RIF1: variants seen among roughly 807,000 people sequenced by gnomAD.
The protein encoded by RIF1 is replication timing regulatory factor 1.
Under a neutral mutation model 247.1 loss-of-function variants are expected in RIF1, and 45 were observed. The ratio of observed to expected loss-of-function variants is 0.18; its 90% CI spans 0.14 to 0.23. The LOEUF (loss-of-function observed/expected upper bound fraction) is 0.23. RIF1 is among the 10% of genes least tolerant of loss of function. RIF1 has a pLI of 1.00. For synonymous variants in RIF1, 1,087 were observed against 978.8 expected (o/e 1.11, Z -2.06); for missense variants, 2,967 against 2,862.5 (o/e 1.04, Z -0.83).
downstream of RIF1, among the ~76,000 whole-genome samples, chr2:151,511,707 C>T (rs191487260): frequency 1.6e-4 from 25 of 152,246 alleles, no homozygotes; most frequent in Admixed American, 5.2e-4. Context: ...AAGGCCTATC[C>T]CAGGGTGTGA....
At chr2:151,502,303 T>C (rs2065239351) in intron 11 of RIF1, among the ~76,000 whole-genome samples, 1 of 151,718 alleles carries the variant, frequency 6.6e-6, no homozygotes, top group Admixed American at 6.6e-5. Context: ...CACCAAAATC[T>C]CACAAGTCAC....
At chr2:151,458,032 T>TC in intron 24 of RIF1, 69 bp downstream of exon 24, 1 of 1,079,150 alleles carries the variant, frequency 9.3e-7, no homozygotes, top group Non-Finnish European at 1.3e-6. Flanking sequence ...ATACTTTGAT[T>TC]CAAATAATCT....
At chr2:151,442,773 T>A (rs1467033200) in intron 16 of RIF1, among the ~76,000 whole-genome samples, 11 of 115,318 alleles carry the variant, frequency 9.5e-5, no homozygotes, top group African/African-American at 6.2e-4. Context: ...CTTGATTTTT[T>A]TTTTTTTTTT....
chr2:151,411,384 T>G (rs1558921841), intron 3 of RIF1, 46 bp downstream of exon 3: 3 of 910,572 alleles, frequency 3.3e-6, no homozygotes, highest in East Asian at 3.3e-5. Flanking sequence ...GGTAGTTTGG[T>G]TTTTTTTTTT....
chr2:151,427,741 C>T (rs971878708), intron 8 of RIF1, among the ~76,000 whole-genome samples: 3 of 148,498 alleles, frequency 2.0e-5, no homozygotes, highest in Non-Finnish European at 4.5e-5. Flanking sequence ...GCCAGCATGG[C>T]CAGCATGGCA....
chr2:151,426,168 ATTTTTT>A (rs35001554), intron 8 of RIF1, among the ~76,000 whole-genome samples: 1 of 58,214 alleles, frequency 1.7e-5, no homozygotes, highest in Non-Finnish European at 2.9e-5. Flanking sequence ...TTGGCTTTTA[ATTTTTT>A]TTTTTTTTTT....
At chr2:151,447,617 C>G (rs543200558) in intron 20 of RIF1, among the ~76,000 whole-genome samples, 6 of 152,184 alleles carry the variant, frequency 3.9e-5, no homozygotes, top group Non-Finnish European at 7.3e-5. Context: ...ACGATCTCAG[C>G]TCACTGCAGC....
chr2:151,410,354 C>T (rs1271997769), intron 1 of RIF1, 60 bp from the exon 2 acceptor site: 47 of 1,402,088 alleles, frequency 3.4e-5, no homozygotes, highest in Non-Finnish European at 4.6e-5. Flanking sequence ...TCACACTGGG[C>T]CGCCGCGGGG....
Position 151,479,463 on chromosome 2 carries a change from A to C in RIF1, c.*4392A>C, listed in dbSNP as rs1311523152. 2 of 152,174 alleles carry C rather than the reference A, an allele frequency of 1.3e-5. No homozygotes were observed. The highest frequency in any genetic ancestry group is 2.9e-5 in the Non-Finnish European group (2 of 68,026). 9.4% of individuals were successfully genotyped at this position (152,174 alleles called of 1,614,324 possible). On this transcript the variant is annotated 3_prime_UTR_variant, in exon 36 of 36. Coordinates refer to ENST00000444746, the MANE Select transcript of RIF1 (RefSeq NM_018151.5). ...AGTATTAGAATATATTTAGTCTCTA[A>C]ATAAATCTTGCCTTCTATTATGGAT...
chr2:151,456,794 A>G (rs1472690590), intron 23 of RIF1, among the ~76,000 whole-genome samples, 174 bp downstream of exon 23: 2 of 152,144 alleles, frequency 1.3e-5, no homozygotes, highest in Non-Finnish European at 2.9e-5. Flanking sequence ...GTGCAGTGGC[A>G]GGATCTCGGC....
At chr2:151,530,827 T>C in the RIF1 span, 9 of 571,784 alleles carry the variant, frequency 1.6e-5, no homozygotes, top group African/African-American at 3.7e-5. Flanking sequence ...TGTTCAGCTG[T>C]GTCCAGTCAA....
chr2:151,501,199 T>C (rs1389068654), intron 11 of RIF1, among the ~76,000 whole-genome samples: 7 of 152,200 alleles, frequency 4.6e-5, no homozygotes, highest in Non-Finnish European at 5.9e-5. Context: ...TAAGGGACTA[T>C]TATAGAAAGT....
the RIF1 span, chr2:151,531,876 A>T: frequency 6.3e-7 from 1 of 1,597,394 alleles, no homozygotes; most frequent in Non-Finnish European, 8.5e-7. Flanking sequence ...TTGATTTTTC[A>T]TAGTTTTTCC....
intron 10 of RIF1, chr2:151,496,145 G>A: frequency 9.5e-7 from 1 of 1,055,348 alleles, no homozygotes; most frequent in Non-Finnish European, 1.4e-6. Context: ...AAGGAAAAAA[G>A]GGTAAATTTG....
intron 14 of RIF1, among the ~76,000 whole-genome samples, chr2:151,439,165 C>G (rs1691787798): frequency 6.6e-6 from 1 of 152,054 alleles, no homozygotes; most frequent in African/African-American, 2.4e-5. Context: ...GGGTTATATT[C>G]TTGTCTTTAT....
chr2:151,464,666 C>T lies in RIF1; in HGVS notation c.5146C>T (p.Leu1716Phe). The T allele has an allele frequency of 1.2e-6, 2 of 1,612,944 alleles. No individual in the cohort carries two copies. Among genetic ancestry groups the T allele is most frequent in the Non-Finnish European group, 1.7e-6 (2 of 1,179,332 alleles). ...SSLSEKTFQT[L>F]ECQHKRSRRV... ...GCTTTCAGAAAAAACTTTTCAAACA[C>T]TTGAATGCCAACACAAGAGAAGTAG... Residue 1716 changes from leucine (L) to phenylalanine (F), a missense_variant, in exon 30 of 36, where the codon CTT becomes TTT. Around this residue, in one of 7 missense-constraint regions of RIF1, gnomAD observed 2,028 missense variants for 1,825.6 expected, o/e 1.11. Transcript: ENST00000444746.
chr2:151,518,983 T>G, the RIF1 span: 1 of 1,612,914 alleles, frequency 6.2e-7, no homozygotes, highest in African/African-American at 1.3e-5. Context: ...CAAGTTGGCT[T>G]GTATTCAGGA....
chr2:151,526,057 C>G, the RIF1 span: 2 of 1,613,810 alleles, frequency 1.2e-6, no homozygotes, highest in Admixed American at 3.3e-5. Flanking sequence ...TGACATGGTC[C>G]TTGTACTTGT....
At chr2:151,493,981 C>T (rs927000704) in intron 9 of RIF1, 1 of 901,862 alleles carries the variant, frequency 1.1e-6, no homozygotes, top group African/African-American at 1.7e-5. Context: ...GTGAGAACAC[C>T]TCTCAAGAAG....
Sources: allele counts gnomAD v4.1 joint callset (sites outside exome capture counted in the v4.1 genomes callset), GRCh38; gene constraint gnomAD v4.1.1; regional missense constraint gnomAD v4.1.1; transcripts MANE v1.5; gene names NCBI Gene and HGNC (gene_info 2026-07-23, HGNC 2026-07-21).